Variants in PLET1 observed in about 807,000 individuals in gnomAD.
PLET1 encodes the protein placenta-expressed transcript 1 protein.
A neutral mutation model predicts 18.5 loss-of-function variants in PLET1; 20 were observed. The observed-to-expected ratio is 1.08, with a 90% CI of 0.76 to 1.57. PLET1 has a LOEUF of 1.57. PLET1 is among the 40% of genes most tolerant of loss of function. The pLI is 0.00. For synonymous variants in PLET1, 93 were observed against 93.8 expected, an observed-to-expected ratio of 0.99 and a Z score of 0.05; for missense variants, 256 against 246.4, an observed-to-expected ratio of 1.04 and a Z score of -0.26.
intron 1 of PLET1, among the ~76,000 whole-genome samples, chr11:112,256,915 C>CT (rs1231340478): frequency 6.6e-6 from 1 of 152,206 alleles, no homozygotes; most frequent in South Asian, 2.1e-4. Flanking sequence ...TTTAAATCCT[C>CT]TTTCTTCCTT....
In PLET1 at chr11:112,255,471, A is replaced by G. The variant is rs1187904359; in HGVS notation, c.303T>C (p.Tyr101=). The stretch of plus-strand genomic sequence containing the variant: ...CCGTCATGTATTGATCTTTCACGTA[A>G]TACGTGGAGTTGCTGTAGCAATTTT... ...ADKNCYSNST[Y]YVKDQYMTVL... Residue 101 remains tyrosine, a synonymous_variant, in exon 2 of 4, where the codon TAT becomes TAC. Coordinates refer to ENST00000338832, the MANE Select transcript of PLET1 (RefSeq NM_001145024.1). The G allele has an allele frequency of 5.2e-6, 8 of 1,552,132 alleles. No homozygotes were observed. The highest frequency in any genetic ancestry group is 1.4e-5 in the African/African-American group (1 of 73,136).
At chr11:112,255,685 A>G (rs772447761) in intron 1 of PLET1, 96 bp from the exon 2 acceptor site, 284 of 1,093,316 alleles carry the variant, frequency 2.6e-4, no homozygotes, top group Non-Finnish European at 3.7e-4. Context: ...GCGTGAAACA[A>G]GAAAGTTACA....
At chr11:112,256,486 T>C (rs2564892) in intron 1 of PLET1, among the ~76,000 whole-genome samples, 101,438 of 152,020 alleles carry the variant, frequency 0.67, 34,878 homozygotes, top group South Asian at 0.8. Flanking sequence ...TCCTTATTGT[T>C]CATCATTCAC....
intron 1 of PLET1, among the ~76,000 whole-genome samples, chr11:112,258,637 T>C (rs1860251571): frequency 6.6e-6 from 1 of 152,164 alleles, no homozygotes; most frequent in Non-Finnish European, 1.5e-5. Flanking sequence ...TGGAGAGGTA[T>C]TATCTTAAAT....
At position 112,248,555 on chromosome 11, in the gene PLET1, C is replaced by T. The variant is rs572427717; in HGVS notation, c.*244G>A. 1.1e-4 allele frequency: 52 copies of T among 484,524 alleles called. No individual in the cohort carries two copies. The highest frequency in any genetic ancestry group is 6.0e-4 in the African/African-American group (30 of 50,368). 30.0% of individuals were successfully genotyped at this position (484,524 alleles called of 1,614,324 possible). On this transcript the variant is annotated 3_prime_UTR_variant, in exon 4 of 4. Transcript: ENST00000338832. ...GAGAACCTAGGTGACTAAGTTCCGG[C>T]CAGTTCTAAATATTTTCAAAAAGTG...
rs980076864 is a variant in PLET1 at position 112,248,724 on chromosome 11, G to T, written c.*75C>A. On this transcript the variant is annotated 3_prime_UTR_variant, in exon 4 of 4. Coordinates refer to ENST00000338832, the MANE Select transcript of PLET1 (RefSeq NM_001145024.1). The stretch of plus-strand genomic sequence containing the variant: ...TAAAGCCTTCATTTACACACATTCG[G>T]TTCCCAGCACTAGCTTGGAACTGAA... The T allele has an allele frequency of 6.8e-7, 1 of 1,467,478 alleles. No homozygotes were observed. The highest frequency in any genetic ancestry group is 1.4e-5 in the African/African-American group (1 of 70,928). 90.9% of individuals were successfully genotyped at this position (1,467,478 alleles called of 1,614,324 possible). A position where few individuals can be genotyped will look rare whatever the true frequency, so the allele number is the denominator to read the frequency against.
Position 112,260,711 on chromosome 11 carries a change from T to C in PLET1, c.-122A>G. 1.2e-6 allele frequency: 1 copy of C among 822,450 alleles called. No homozygotes were observed. The highest frequency in any genetic ancestry group is 1.9e-5 in the South Asian group (1 of 53,420). 50.9% of individuals were successfully genotyped at this position (822,450 alleles called of 1,614,324 possible). A position where few individuals can be genotyped will look rare whatever the true frequency, so the allele number is the denominator to read the frequency against. ...ATGCAGATCTTCTCCCTGCCCCTTC[T>C]GAATATACATTGGATTCTGGAATTT... On this transcript the variant is annotated 5_prime_UTR_variant, in exon 1 of 4. Coordinates refer to ENST00000338832, the MANE Select transcript of PLET1 (RefSeq NM_001145024.1).
chr11:112,260,819 A>G lies in PLET1; in HGVS notation c.-230T>C. ...TTGCAAATTGCAGTTTTGCTCAAGA[A>G]AGGGAATGTCCTGAATATGGTTTTC... On this transcript the variant is annotated 5_prime_UTR_variant, in exon 1 of 4. Transcript: ENST00000338832. 1.9e-6 allele frequency: 1 copy of G among 518,570 alleles called. No homozygotes were observed. The highest frequency in any genetic ancestry group is 3.0e-5 in the South Asian group (1 of 33,516). 32.1% of individuals were successfully genotyped at this position (518,570 alleles called of 1,614,324 possible). A position where few individuals can be genotyped will look rare whatever the true frequency, so the allele number is the denominator to read the frequency against.
chr11:112,252,437 A>G, intron 2 of PLET1, 28 bp from the exon 3 acceptor site: 1 of 1,540,748 alleles, frequency 6.5e-7, no homozygotes, highest in Non-Finnish European at 8.8e-7. Flanking sequence ...ATGAGAGATA[A>G]TGCTGAGGAC....
At chr11:112,259,211 A>G (rs1437667487) in intron 1 of PLET1, among the ~76,000 whole-genome samples, 1 of 152,174 alleles carries the variant, frequency 6.6e-6, no homozygotes, top group Non-Finnish European at 1.5e-5. Flanking sequence ...TCACTACTAT[A>G]AGGAAGAGTA....
At position 112,260,717 on chromosome 11, in the gene PLET1, T is replaced by G; in HGVS notation, c.-128A>C. On this transcript the variant is annotated 5_prime_UTR_variant, in exon 1 of 4. Transcript: ENST00000338832. ...ATCTTCTCCCTGCCCCTTCTGAATA[T>G]ACATTGGATTCTGGAATTTGGCCCA... 1.3e-6 allele frequency: 1 copy of G among 785,878 alleles called. No individual in the cohort carries two copies. Among genetic ancestry groups the G allele is most frequent in the South Asian group, 2.0e-5 (1 of 50,782 alleles). The allele number at this position is 785,878 out of a possible 1,614,324, so 48.7% of individuals were successfully genotyped here. A position where few individuals can be genotyped will look rare whatever the true frequency, so the allele number is the denominator to read the frequency against.
intron 1 of PLET1, among the ~76,000 whole-genome samples, chr11:112,256,398 A>G (rs1336785248): frequency 6.6e-6 from 1 of 152,308 alleles, no homozygotes; most frequent in Middle Eastern, 3.4e-3. Context: ...CATGCAACAC[A>G]AAAGGATCAG....
Position 112,252,422 on chromosome 11 carries a change from A to G in PLET1, c.387-13T>C. The G allele has an allele frequency of 6.5e-7, 1 of 1,549,310 alleles. No individual in the cohort carries two copies. The highest frequency in any genetic ancestry group is 8.7e-7 in the Non-Finnish European group (1 of 1,144,900). ...GACAGTGAAAGCTCTGTGGAGGGCA[A>G]ATCAATGAGAGATAATGCTGAGGAC... is the stretch of plus-strand genomic sequence containing the variant. On this transcript the variant is annotated splice_polypyrimidine_tract_variant and intron_variant, in intron 2 of 3. Coordinates refer to ENST00000338832, the MANE Select transcript of PLET1 (RefSeq NM_001145024.1).
intron 2 of PLET1, among the ~76,000 whole-genome samples, chr11:112,252,711 C>G (rs1053011183): frequency 6.6e-6 from 1 of 152,178 alleles, no homozygotes; most frequent in African/African-American, 2.4e-5. Context: ...CCTATAATAC[C>G]TGTCCTGGTC....
rs571549446 is a variant in PLET1, at chr11:112,259,815, A to G, written c.184+591T>C. Among the ~76,000 whole-genome samples, 9 of 152,288 alleles carry G rather than the reference A, an allele frequency of 5.9e-5. No homozygotes were observed. In the South Asian group the frequency reaches 1.0e-3, roughly 18 times the overall value. On this transcript the variant is annotated intron_variant, in intron 1 of 3. Coordinates refer to ENST00000338832, the MANE Select transcript of PLET1 (RefSeq NM_001145024.1). ...CACTTTGGGTGACTGAGGTGGGTGG[A>G]TCACTTGAAGCCAGGAGTTCGAGAC...
intron 2 of PLET1, among the ~76,000 whole-genome samples, chr11:112,253,524 C>T (rs565308315): frequency 1.8e-4 from 28 of 152,146 alleles, no homozygotes; most frequent in African/African-American, 6.3e-4. Context: ...GGGATTGGGC[C>T]GTTTGTCTTG....
chr11:112,255,675 G>A lies in PLET1; in HGVS notation c.185-86C>T, dbSNP rs529910780. On this transcript the variant is annotated intron_variant, in intron 1 of 3. Transcript: ENST00000338832. ...ATGAGGGCAGTGAAATCAAAACAAA[G>A]CGTGAAACAAGAAAGTTACAAAGAA... 1.4e-5 allele frequency: 17 copies of A among 1,185,514 alleles called. No individual in the cohort carries two copies. In the East Asian group the frequency reaches 3.6e-4, roughly 25 times the overall value. 73.4% of individuals were successfully genotyped at this position (1,185,514 alleles called of 1,614,324 possible).
At chr11:112,251,283 TA>T (rs11317998) in intron 3 of PLET1, among the ~76,000 whole-genome samples, 108,920 of 147,950 alleles carry the variant, frequency 0.74, 39,807 homozygotes, top group South Asian at 0.81. Flanking sequence ...TTTTGTAAAT[TA>T]AAAAAAAAAA....
intron 2 of PLET1, 28 bp downstream of exon 2, chr11:112,255,360 C>T (rs577497150): frequency 6.5e-7 from 1 of 1,548,918 alleles, no homozygotes; most frequent in Non-Finnish European, 8.7e-7. Flanking sequence ...AATTTTAAAG[C>T]CCAAAGCAAA....
Sources: allele counts gnomAD v4.1 joint callset (sites outside exome capture counted in the v4.1 genomes callset), GRCh38; gene constraint gnomAD v4.1.1; transcripts MANE v1.5; gene names NCBI Gene and HGNC (gene_info 2026-07-23, HGNC 2026-07-21).